The following SGCZ variants were observed in gnomAD, a reference collection of about 807,000 sequenced individuals.
The protein encoded by SGCZ is sarcoglycan zeta.
In SGCZ, 40 loss-of-function variants were observed where a neutral mutation model predicts 41.3. That is an observed-to-expected ratio of 0.97 (90% CI 0.75 to 1.26). The LOEUF is 1.26. Among genes scored for constraint, SGCZ ranks in the 50% most tolerant of loss-of-function variants. The probability of loss-of-function intolerance (pLI) is 0.00; values close to 1 mark genes in which losing one functional copy is unlikely to be tolerated. For synonymous variants in SGCZ, 206 were observed against 137.5 expected (o/e 1.50, Z -3.49); for missense variants, 552 against 369.8 (o/e 1.49, Z -4.04).
intron 2 of SGCZ, among the ~76,000 whole-genome samples, chr8:14,435,144 G>A (rs1236859097): frequency 6.6e-6 from 1 of 152,058 alleles, no homozygotes; most frequent in Non-Finnish European, 1.5e-5. Context: ...AGTTATCTCA[G>A]GGCAAACGCT....
chr8:15,180,186 T>C (rs1800126022), intron 1 of SGCZ, among the ~76,000 whole-genome samples: 1 of 152,122 alleles, frequency 6.6e-6, no homozygotes, highest in Non-Finnish European at 1.5e-5. Context: ...AAAACTAATA[T>C]CATGATGTCA....
intron 2 of SGCZ, among the ~76,000 whole-genome samples, chr8:14,381,300 T>A (rs1051563506): frequency 6.6e-6 from 1 of 152,180 alleles, no homozygotes; most frequent in Non-Finnish European, 1.5e-5. Context: ...GAGAGTAGAG[T>A]TAGAAAGAAA....
At chr8:15,168,106 T>C (rs575737065) in intron 1 of SGCZ, among the ~76,000 whole-genome samples, 1 of 152,250 alleles carries the variant, frequency 6.6e-6, no homozygotes, top group South Asian at 2.1e-4. Flanking sequence ...AATTTCACAA[T>C]TTCACCTTAG....
chr8:14,822,851 C>T (rs1033796412), intron 1 of SGCZ, among the ~76,000 whole-genome samples: 4 of 151,940 alleles, frequency 2.6e-5, no homozygotes, highest in East Asian at 3.9e-4. Flanking sequence ...CAGCGCAGCT[C>T]GTGACCAGCG....
chr8:14,447,341 A>T (rs976431005), intron 2 of SGCZ, among the ~76,000 whole-genome samples: 3 of 152,182 alleles, frequency 2.0e-5, no homozygotes, highest in African/African-American at 7.2e-5. Context: ...AATCAAAAAA[A>T]TACAAATCTT....
At chr8:14,250,523 C>G (rs933402667) in intron 3 of SGCZ, among the ~76,000 whole-genome samples, 1 of 152,116 alleles carries the variant, frequency 6.6e-6, no homozygotes, top group East Asian at 1.9e-4. Context: ...CTATAAAAAC[C>G]TGCAGTGTGC....
intron 2 of SGCZ, among the ~76,000 whole-genome samples, chr8:14,366,319 T>A (rs1803706394): frequency 1.3e-5 from 2 of 152,146 alleles, no homozygotes; most frequent in East Asian, 3.8e-4. Context: ...TCATACATGG[T>A]GGCAAGAAGG....
chr8:14,162,923 T>A (rs969819077), intron 5 of SGCZ, among the ~76,000 whole-genome samples: 6 of 152,324 alleles, frequency 3.9e-5, no homozygotes, highest in Admixed American at 2.6e-4. Flanking sequence ...TGTGCTAGAC[T>A]GCACTGGCAT....
intron 4 of SGCZ, among the ~76,000 whole-genome samples, chr8:14,179,671 G>A (rs1239758693): frequency 6.6e-6 from 1 of 152,200 alleles, no homozygotes; most frequent in Non-Finnish European, 1.5e-5. Context: ...TACAGGGGCT[G>A]AGCACAGTCA....
chr8:14,900,092 C>T (rs1469370303), intron 1 of SGCZ, among the ~76,000 whole-genome samples: 2 of 152,006 alleles, frequency 1.3e-5, no homozygotes, highest in African/African-American at 4.8e-5. Context: ...TCTCCCAAGC[C>T]CCTACGGTAA....
At chr8:15,202,814 G>A (rs957176343) in intron 1 of SGCZ, among the ~76,000 whole-genome samples, 1 of 151,934 alleles carries the variant, frequency 6.6e-6, no homozygotes. Context: ...TAAAAAGCTA[G>A]GTTAAGACAA....
intron 2 of SGCZ, among the ~76,000 whole-genome samples, chr8:14,419,394 A>C (rs980405485): frequency 3.3e-5 from 5 of 151,894 alleles, no homozygotes; most frequent in Non-Finnish European, 5.9e-5. Context: ...ATTTTCTCTC[A>C]ACCTATGTAT....
intron 3 of SGCZ, among the ~76,000 whole-genome samples, chr8:14,319,863 G>A (rs1801858547): frequency 6.6e-6 from 1 of 151,996 alleles, no homozygotes; most frequent in Admixed American, 6.6e-5. Context: ...TTAAAACATG[G>A]AGCTAATGCA....
intron 1 of SGCZ, among the ~76,000 whole-genome samples, chr8:14,878,129 C>T (rs1023695918): frequency 6.6e-6 from 1 of 151,720 alleles, no homozygotes; most frequent in Non-Finnish European, 1.5e-5. Flanking sequence ...GAACTTTAAG[C>T]ACTTAAGAAG....
chr8:14,767,490 A>C (rs1448703998), intron 1 of SGCZ, among the ~76,000 whole-genome samples: 1 of 152,184 alleles, frequency 6.6e-6, no homozygotes, highest in Non-Finnish European at 1.5e-5. Context: ...TGGGGGAAGA[A>C]AGTTAATAAT....
intron 1 of SGCZ, among the ~76,000 whole-genome samples, chr8:14,600,897 A>G (rs1178701115): frequency 6.8e-6 from 1 of 148,018 alleles, no homozygotes; most frequent in Admixed American, 6.8e-5. Context: ...GCCTTCTGAT[A>G]TTTTTTTTTT....
chr8:15,120,262 C>T (rs1019648201), intron 1 of SGCZ, among the ~76,000 whole-genome samples: 2 of 152,118 alleles, frequency 1.3e-5, no homozygotes, highest in African/African-American at 4.8e-5. Flanking sequence ...TTTCAAAAAG[C>T]TATGTTTAAG....
At chr8:15,038,497 A>T (rs1381099508) in intron 1 of SGCZ, among the ~76,000 whole-genome samples, 2 of 151,574 alleles carry the variant, frequency 1.3e-5, no homozygotes, top group African/African-American at 4.8e-5. Flanking sequence ...TTGAACTATA[A>T]AACTACTAGA....
At chr8:14,854,583 AAT>A (rs1803474336) in intron 1 of SGCZ, among the ~76,000 whole-genome samples, 1 of 152,130 alleles carries the variant, frequency 6.6e-6, no homozygotes, top group African/African-American at 2.4e-5. Flanking sequence ...ATTATTTTTC[AAT>A]AGTCATCGTA....
Sources: gnomAD v4.1 joint callset for allele counts (sites outside exome capture counted in the v4.1 genomes callset) on GRCh38, gnomAD v4.1.1 for gene constraint, MANE v1.5 for transcripts, NCBI Gene and HGNC (gene_info 2026-07-23, HGNC 2026-07-21) for gene names.